Variants in TEX9 observed in about 807,000 individuals in gnomAD.
TEX9 encodes the protein testis-expressed protein 9.
A neutral mutation model predicts 59.6 loss-of-function variants in TEX9; 74 were observed. That is an observed-to-expected ratio of 1.24 (90% CI 1.03 to 1.51). The LOEUF is 1.51. TEX9 is among the 40% of genes most tolerant of loss of function. The pLI, the probability that TEX9 is intolerant of heterozygous loss-of-function variation, is 0.00. For missense variants in TEX9, 522 were observed against 447.8 expected (o/e 1.17, Z -1.49); for synonymous variants, 186 against 152.2 (o/e 1.22, Z -1.64).
intron 1 of TEX9, among the ~76,000 whole-genome samples, chr15:56,307,451 A>C (rs1440741437): frequency 6.6e-6 from 1 of 152,210 alleles, no homozygotes; most frequent in Admixed American, 6.5e-5. Flanking sequence ...ACGAGATAAA[A>C]GGTTTGTAAA....
intron 1 of TEX9, among the ~76,000 whole-genome samples, chr15:56,341,426 T>C (rs2046370436): frequency 6.6e-6 from 1 of 152,166 alleles, no homozygotes; most frequent in Non-Finnish European, 1.5e-5. Flanking sequence ...AACCTATTAG[T>C]AGCAATAAGG....
intron 7 of TEX9, 193 bp from the exon 8 acceptor site, chr15:56,393,972 C>A: frequency 2.4e-6 from 1 of 418,122 alleles, no homozygotes; most frequent in Non-Finnish European, 4.3e-6. Flanking sequence ...TGATTTCTTT[C>A]TGTTGAGTGG....
chr15:56,404,833 G>A (rs1445971640), intron 9 of TEX9, among the ~76,000 whole-genome samples: 1 of 152,120 alleles, frequency 6.6e-6, no homozygotes, highest in Non-Finnish European at 1.5e-5. Flanking sequence ...TCCTTTGCAG[G>A]GACATAGATG....
intron 12 of TEX9, among the ~76,000 whole-genome samples, chr15:56,438,145 G>C (rs1363051253): frequency 6.6e-6 from 1 of 151,962 alleles, no homozygotes; most frequent in African/African-American, 2.4e-5. Flanking sequence ...CAAAAAAGGG[G>C]CCACATTGCC....
chr15:56,427,039 GCT>G (rs2050318906), intron 10 of TEX9, among the ~76,000 whole-genome samples: 1 of 151,910 alleles, frequency 6.6e-6, no homozygotes, highest in Non-Finnish European at 1.5e-5. Context: ...TGTTTTGAGG[GCT>G]CTGTTTTTCT....
intron 1 of TEX9, among the ~76,000 whole-genome samples, chr15:56,345,064 CACATATATATATGT>C (rs566968311): frequency 0.044 from 6,417 of 146,658 alleles, 216 homozygotes; most frequent in Admixed American, 0.086. Flanking sequence ...TATACACACA[CACATATATATATGT>C]ATATATATAT....
chr15:56,274,134 T>C (rs1016280336), intron 1 of TEX9, among the ~76,000 whole-genome samples: 6 of 152,284 alleles, frequency 3.9e-5, no homozygotes, highest in Non-Finnish European at 7.4e-5. Flanking sequence ...CCGTTTGATA[T>C]GATACCACAG....
intron 9 of TEX9, among the ~76,000 whole-genome samples, chr15:56,401,648 A>G (rs2048790471): frequency 6.6e-6 from 1 of 152,204 alleles, no homozygotes; most frequent in Non-Finnish European, 1.5e-5. Context: ...CCTTATAGAC[A>G]TCTACAGAAC....
chr15:56,270,579 CTT>C (rs1297733124), intron 1 of TEX9, among the ~76,000 whole-genome samples: 1 of 152,174 alleles, frequency 6.6e-6, no homozygotes, highest in East Asian at 1.9e-4. Context: ...GGTCTTGACT[CTT>C]TATCCAATTT....
chr15:56,459,971 CAA>C, the TEX9 span, among the ~76,000 whole-genome samples: 1 of 72,340 alleles, frequency 1.4e-5, no homozygotes, highest in Non-Finnish European at 2.6e-5. Flanking sequence ...GCCTGGGCAA[CAA>C]GAGCGAAATT....
At chr15:56,398,193 T>A (rs2048571588) in intron 9 of TEX9, 1 of 152,182 alleles carries the variant, frequency 6.6e-6, no homozygotes, top group Admixed American at 6.5e-5. Context: ...AAAAATCAGA[T>A]TTTGAAGAAT....
intron 1 of TEX9, among the ~76,000 whole-genome samples, chr15:56,323,017 T>C (rs2725856): frequency 0.49 from 75,077 of 151,830 alleles, 20,016 homozygotes; most frequent in Non-Finnish European, 0.6. Context: ...GGCACAGCTA[T>C]GGCAGTACAC....
At chr15:56,266,060 T>C (rs1201975719) in intron 1 of TEX9, among the ~76,000 whole-genome samples, 2 of 152,158 alleles carry the variant, frequency 1.3e-5, no homozygotes, top group African/African-American at 4.8e-5. Flanking sequence ...AAATCTTTTG[T>C]TAGATGTGTG....
chr15:56,291,650 C>G (rs916181879), intron 1 of TEX9, among the ~76,000 whole-genome samples: 1 of 152,154 alleles, frequency 6.6e-6, no homozygotes, highest in Non-Finnish European at 1.5e-5. Context: ...GAACTTATAT[C>G]TCTTGTCTAA....
chr15:56,386,795 G>A (rs1352210486), intron 4 of TEX9, among the ~76,000 whole-genome samples: 1 of 151,704 alleles, frequency 6.6e-6, no homozygotes, highest in African/African-American at 2.4e-5. Flanking sequence ...TGATGATGAC[G>A]CTCTGTTTAC....
chr15:56,317,206 G>T (rs921464763), intron 1 of TEX9, among the ~76,000 whole-genome samples: 1 of 152,198 alleles, frequency 6.6e-6, no homozygotes, highest in African/African-American at 2.4e-5. Context: ...TTATTATTAT[G>T]GATTCAATAT....
At chr15:56,454,374 TA>T in the TEX9 span, among the ~76,000 whole-genome samples, 1 of 151,940 alleles carries the variant, frequency 6.6e-6, no homozygotes, top group East Asian at 1.9e-4. Flanking sequence ...TTATACTCTT[TA>T]TTTTTAAATG....
intron 3 of TEX9, among the ~76,000 whole-genome samples, chr15:56,379,093 G>GA (rs1288910315): frequency 3.8e-4 from 48 of 127,980 alleles, no homozygotes; most frequent in Admixed American, 2.1e-3. Context: ...AAGAAAGAAA[G>GA]AAAAAAAAAG....
intron 1 of TEX9, among the ~76,000 whole-genome samples, chr15:56,272,918 A>C (rs1372721691): frequency 2.1e-4 from 21 of 98,346 alleles, no homozygotes; most frequent in South Asian, 1.2e-3. Flanking sequence ...GGGGTTCTTT[A>C]TTTATTTATT....
Sources: allele counts gnomAD v4.1 joint callset (sites outside exome capture counted in the v4.1 genomes callset), GRCh38; gene constraint gnomAD v4.1.1; transcripts MANE v1.5; gene names NCBI Gene and HGNC (gene_info 2026-07-23, HGNC 2026-07-21).